The following TLN2 variants were observed in gnomAD, a reference collection of about 807,000 sequenced individuals.
TLN2 encodes talin 2.
Under a neutral mutation model 294.7 loss-of-function variants are expected in TLN2, and 118 were observed. That is an observed-to-expected ratio of 0.40 (90% CI 0.34 to 0.47). The LOEUF is 0.47. Ranked by LOEUF, TLN2 falls within the 20% of genes least tolerant of loss-of-function variation. The pLI is 0.84. For missense variants in TLN2, 3,083 were observed against 3,282.2 expected (o/e 0.94, Z 1.48); for synonymous variants, 1,431 against 1,304.5 (o/e 1.10, Z -2.09).
chr15:62,517,127 A>T (rs1182356604), intron 1 of TLN2, among the ~76,000 whole-genome samples: 1 of 152,196 alleles, frequency 6.6e-6, no homozygotes, highest in African/African-American at 2.4e-5. Flanking sequence ...GGATGGCGAG[A>T]GGTTGCTGCT....
chr15:62,690,382 A>G (rs28634059), intron 12 of TLN2: 10,435 of 142,152 alleles, frequency 0.073, 867 homozygotes, highest in African/African-American at 0.22. Context: ...GGGCGGCGGG[A>G]CAGAGGCGCT....
At chr15:62,458,300 G>A (rs1003395042) in intron 1 of TLN2, among the ~76,000 whole-genome samples, 2 of 152,122 alleles carry the variant, frequency 1.3e-5, no homozygotes, top group African/African-American at 4.8e-5. Context: ...CCTGCTGCCC[G>A]CCGCCTCTCC....
chr15:62,835,520 C>A, intron 55 of TLN2: 2 of 594,846 alleles, frequency 3.4e-6, no homozygotes, highest in Non-Finnish European at 6.0e-6. Context: ...TTCCTGTCGC[C>A]TCTTGGTGGC....
rs1474426930 is a variant in TLN2 at position 62,536,775 on chromosome 15, T to A, written c.-237-52912T>A. 2.0e-5 allele frequency among the ~76,000 whole-genome samples: 3 copies of A among 152,218 alleles called. No individual in the cohort carries two copies. In the South Asian group the frequency reaches 6.2e-4, roughly 32 times the overall value. ...GCTCTAATGGTAATTTTTAAAGAAC[T>A]GTTTTAAAAGTTTTAGTAGACATGG... On this transcript the variant is annotated intron_variant, in intron 1 of 58. Transcript: ENST00000636159.
intron 3 of TLN2, among the ~76,000 whole-genome samples, chr15:62,631,793 A>G (rs11858745): frequency 0.98 from 148,704 of 151,314 alleles, 73,100 homozygotes; most frequent in Non-Finnish European, 1. Context: ...ATGTTTCCCA[A>G]GCTGTTGAAT....
At chr15:62,529,253 C>T (rs1234122681) in intron 1 of TLN2, among the ~76,000 whole-genome samples, 1 of 151,920 alleles carries the variant, frequency 6.6e-6, no homozygotes, top group African/African-American at 2.4e-5. Flanking sequence ...ACCACCATGC[C>T]CAGCTAATTA....
At chr15:62,396,036 T>C (rs995200487) in intron 1 of TLN2, among the ~76,000 whole-genome samples, 1 of 148,310 alleles carries the variant, frequency 6.7e-6, no homozygotes, top group Middle Eastern at 3.4e-3. Context: ...GATTTCACCA[T>C]GTTGGCCAGG....
At chr15:62,598,551 AC>A (rs2046734905) in intron 2 of TLN2, among the ~76,000 whole-genome samples, 1 of 151,714 alleles carries the variant, frequency 6.6e-6, no homozygotes, top group Non-Finnish European at 1.5e-5. Context: ...CTCTTACCCA[AC>A]CCTGCTGGTA....
At chr15:62,809,355 A>T (rs906649258) in intron 51 of TLN2, among the ~76,000 whole-genome samples, 5 of 152,154 alleles carry the variant, frequency 3.3e-5, no homozygotes, top group African/African-American at 7.2e-5. Flanking sequence ...CTTTTGTATA[A>T]TATGAGATGA....
intron 25 of TLN2, 34 bp downstream of exon 25, chr15:62,719,914 G>C (rs1291644428): frequency 6.5e-7 from 1 of 1,534,830 alleles, no homozygotes; most frequent in Non-Finnish European, 8.8e-7. Context: ...GGCTCACTCA[G>C]AGCCCTCTTC....
chr15:62,479,570 G>A (rs11630486), intron 1 of TLN2, among the ~76,000 whole-genome samples: 89,814 of 151,950 alleles, frequency 0.59, 26,736 homozygotes, highest in African/African-American at 0.63. Flanking sequence ...TCCGCCTCCT[G>A]GGTTCAAGCA....
At chr15:62,501,786 G>A (rs1217244942) in intron 1 of TLN2, among the ~76,000 whole-genome samples, 2 of 152,090 alleles carry the variant, frequency 1.3e-5, no homozygotes, top group Non-Finnish European at 2.9e-5. Flanking sequence ...AGGCTCACTG[G>A]GCTTTTCATG....
intron 1 of TLN2, among the ~76,000 whole-genome samples, chr15:62,574,715 T>A (rs1278770098): frequency 6.6e-6 from 1 of 151,036 alleles, no homozygotes; most frequent in Non-Finnish European, 1.5e-5. Flanking sequence ...TTAGTTTGCA[T>A]AAATTTTTCT....
intron 45 of TLN2, among the ~76,000 whole-genome samples, chr15:62,785,534 C>G (rs1242688173): frequency 6.6e-6 from 1 of 152,054 alleles, no homozygotes; most frequent in Non-Finnish European, 1.5e-5. Context: ...CGCCTGTAAT[C>G]CCAGCTACTT....
intron 1 of TLN2, among the ~76,000 whole-genome samples, chr15:62,552,489 G>GT (rs2042379016): frequency 6.6e-6 from 1 of 152,108 alleles, no homozygotes; most frequent in Admixed American, 6.5e-5. Context: ...CTACCCTCTT[G>GT]TTTTAGCTCT....
intron 1 of TLN2, among the ~76,000 whole-genome samples, chr15:62,409,447 A>T (rs1179262100): frequency 2.0e-5 from 3 of 152,168 alleles, no homozygotes; most frequent in Non-Finnish European, 4.4e-5. Flanking sequence ...GCAGGGTCTC[A>T]TTCTGCAACA....
intron 3 of TLN2, chr15:62,640,086 G>A (rs906233880): frequency 2.2e-6 from 1 of 448,208 alleles, no homozygotes; most frequent in Non-Finnish European, 4.5e-6. Context: ...CGAGCGAGGT[G>A]GAGGGCAAGA....
At chr15:62,813,836 CAG>C (rs2066880545) in intron 52 of TLN2, among the ~76,000 whole-genome samples, 3 of 147,732 alleles carry the variant, frequency 2.0e-5, no homozygotes, top group East Asian at 2.0e-4. Context: ...TTTTTGGAGA[CAG>C]AGTTTTGCCC....
In TLN2 at chr15:62,748,509, G is replaced by A. The variant is rs895673147; in HGVS notation, c.4119+65G>A. The A allele has an allele frequency of 4.4e-4, 560 of 1,258,888 alleles. 4 individuals are homozygous for A. The Admixed American group carries it at 9.2e-3, about 21-fold the overall frequency. 78.0% of individuals were successfully genotyped at this position (1,258,888 alleles called of 1,614,324 possible). A position where few individuals can be genotyped will look rare whatever the true frequency, so the allele number is the denominator to read the frequency against. ...AGTGTCTGTGTCTGTGTGTCTGTGT[G>A]TCTGTCTGTCTATGTCTGTGTCTGT... is the stretch of plus-strand genomic sequence containing the variant. On this transcript the variant is annotated intron_variant, in intron 33 of 58. Transcript: ENST00000636159.
Sources: allele counts gnomAD v4.1 joint callset (sites outside exome capture counted in the v4.1 genomes callset), GRCh38; gene constraint gnomAD v4.1.1; transcripts MANE v1.5; gene names NCBI Gene and HGNC (gene_info 2026-07-23, HGNC 2026-07-21).